CRPPA: variants seen among roughly 807,000 people sequenced by gnomAD.
CRPPA encodes D-ribitol-5-phosphate cytidylyltransferase.
In CRPPA, 43 loss-of-function variants were observed where a neutral mutation model predicts 52.0. The observed-to-expected ratio is 0.83, with a 90% confidence interval of 0.65 to 1.07. The LOEUF (loss-of-function observed/expected upper bound fraction) is 1.07, where lower values mean the gene tolerates loss of function less well. Ranked by LOEUF, CRPPA falls within the 50% of genes least tolerant of loss-of-function variation. The probability of loss-of-function intolerance (pLI) is 0.00; values close to 1 mark genes in which losing one functional copy is unlikely to be tolerated. For missense variants in CRPPA, 629 were observed against 551.7 expected (o/e 1.14, Z -1.40); for synonymous variants, 250 against 203.5 (o/e 1.23, Z -1.94).
intron 3 of CRPPA, among the ~76,000 whole-genome samples, chr7:16,356,641 C>T (rs1786303332): frequency 6.6e-6 from 1 of 152,168 alleles, no homozygotes; most frequent in South Asian, 2.1e-4. Context: ...ATTTCATATT[C>T]AGGATATTTT....
rs1781738499 is a variant in CRPPA, at chr7:16,088,338, T to C, written c.*3357A>G. The C allele has an allele frequency of 6.6e-6, 1 of 151,722 alleles. No homozygotes were observed. The highest frequency in any genetic ancestry group is 1.5e-5 in the Non-Finnish European group (1 of 67,966). 9.4% of individuals were successfully genotyped at this position (151,722 alleles called of 1,614,324 possible). A position where few individuals can be genotyped will look rare whatever the true frequency, so the allele number is the denominator to read the frequency against. ...GAGATTTTGGAAAATAAAGTGAGAATAGACAGCTTTTACTAAAGTAAATTT... is the reference window on the plus strand; with the variant it reads ...GAGATTTTGGAAAATAAAGTGAGAACAGACAGCTTTTACTAAAGTAAATTT... On this transcript the variant is annotated 3_prime_UTR_variant, in exon 10 of 10. Transcript: ENST00000407010.
intron 9 of CRPPA, among the ~76,000 whole-genome samples, chr7:16,178,438 A>G (rs1344372023): frequency 6.6e-6 from 1 of 152,152 alleles, no homozygotes; most frequent in Non-Finnish European, 1.5e-5. Context: ...ATTAAGATTA[A>G]AGAAACATTT....
chr7:16,397,141 G>A (rs534243009), intron 2 of CRPPA, among the ~76,000 whole-genome samples: 13 of 152,386 alleles, frequency 8.5e-5, no homozygotes, highest in Admixed American at 3.3e-4. Context: ...TTAGAGATGC[G>A]TGTCTGACAC....
intron 2 of CRPPA, among the ~76,000 whole-genome samples, chr7:16,380,114 T>C (rs535177452): frequency 6.6e-6 from 1 of 150,926 alleles, no homozygotes; most frequent in East Asian, 1.9e-4. Flanking sequence ...CAGTATGATA[T>C]TGGCTGTGGG....
chr7:16,193,966 A>C (rs756874769), intron 9 of CRPPA, among the ~76,000 whole-genome samples: 1 of 152,146 alleles, frequency 6.6e-6, no homozygotes, highest in Non-Finnish European at 1.5e-5. Context: ...CTCATTTTTT[A>C]TACATTTTGG....
chr7:16,375,020 G>A (rs1230573997), intron 3 of CRPPA, among the ~76,000 whole-genome samples: 1 of 152,098 alleles, frequency 6.6e-6, no homozygotes, highest in African/African-American at 2.4e-5. Context: ...TCACTTTTTA[G>A]AAATCCTAGG....
At chr7:16,399,700 G>A (rs556262779) in intron 2 of CRPPA, among the ~76,000 whole-genome samples, 18 of 152,004 alleles carry the variant, frequency 1.2e-4, no homozygotes, top group Non-Finnish European at 2.2e-4. Flanking sequence ...TGAGCAACAC[G>A]TGACCAACAT....
intron 8 of CRPPA, among the ~76,000 whole-genome samples, chr7:16,247,397 G>C (rs927118665): frequency 1.3e-5 from 2 of 151,998 alleles, no homozygotes; most frequent in Non-Finnish European, 2.9e-5. Flanking sequence ...CAGGGAATAG[G>C]GAATCTCAAA....
In CRPPA at chr7:16,406,248, C is replaced by T. The variant is rs748777770; in HGVS notation, c.347G>A (p.Arg116His). Residue 116 changes from arginine (R) to histidine (H), a missense_variant, in exon 2 of 10, where the codon CGC becomes CAC. Arg to His is a conservative substitution (Grantham distance 29). Transcript: ENST00000407010. ...KSIIQKYQHKRISLVEAGVTR... is the reference protein window; with the variant it reads ...KSIIQKYQHKHISLVEAGVTR... ...CACTCCAGCTTCGACCAGTGAGATG[C>T]GTTTATGCTGATACTTCTGAATAAT... 3.2e-5 allele frequency: 52 copies of T among 1,613,766 alleles called. No homozygotes were observed. In the East Asian group the frequency reaches 3.8e-4, roughly 12 times the overall value.
At chr7:16,198,802 C>G (rs1239961732) in intron 9 of CRPPA, among the ~76,000 whole-genome samples, 3 of 151,484 alleles carry the variant, frequency 2.0e-5, no homozygotes, top group African/African-American at 4.9e-5. Context: ...ATCCTTCCTG[C>G]CTCTGCCTCT....
Position 16,089,574 on chromosome 7 carries a change from T to A in CRPPA, c.*2121A>T. On this transcript the variant is annotated 3_prime_UTR_variant, in exon 10 of 10. Transcript: ENST00000407010. ...ATACATGTAAGTATATACATATATA[T>A]GGGTATACATGCATGTATATACATA... is the stretch of plus-strand genomic sequence containing the variant. 4.2e-6 allele frequency: 1 copy of A among 236,178 alleles called. No homozygotes were observed. The highest frequency in any genetic ancestry group is 1.3e-3 in the Middle Eastern group (1 of 764). 14.6% of individuals were successfully genotyped at this position (236,178 alleles called of 1,614,324 possible). A position where few individuals can be genotyped will look rare whatever the true frequency, so the allele number is the denominator to read the frequency against.
intron 1 of CRPPA, among the ~76,000 whole-genome samples, chr7:16,418,622 C>T (rs145247141): frequency 2.0e-5 from 3 of 152,068 alleles, no homozygotes; most frequent in South Asian, 2.1e-4. Flanking sequence ...GGAGGAACTA[C>T]GAAACACTAA....
At position 16,186,873 on chromosome 7, in the gene CRPPA, A is replaced by G. The variant is rs149756686; in HGVS notation, c.1251+29193T>C. ...AGGAGAGGATTTTGTCCCACCATCA[A>G]TGGATTCAATGCATTCAACGTTTGT... On this transcript the variant is annotated intron_variant, in intron 9 of 9. Transcript: ENST00000407010. Among the ~76,000 whole-genome samples the G allele has an allele frequency of 5.8e-4, 88 of 152,310 alleles. No individual in the cohort carries two copies. The East Asian group carries it at 0.013, about 23-fold the overall frequency.
At chr7:16,170,103 AG>A (rs2128384932) in intron 9 of CRPPA, among the ~76,000 whole-genome samples, 1 of 152,344 alleles carries the variant, frequency 6.6e-6, no homozygotes, top group South Asian at 2.1e-4. Context: ...AATAAAATAT[AG>A]AAGTATAAAT....
chr7:16,228,480 T>C (rs916730965), intron 8 of CRPPA, among the ~76,000 whole-genome samples: 2 of 151,888 alleles, frequency 1.3e-5, no homozygotes, highest in African/African-American at 2.4e-5. Context: ...CTGTATCCCA[T>C]AGATTTTGGT....
chr7:16,397,952 T>G (rs538759430), intron 2 of CRPPA, among the ~76,000 whole-genome samples: 5 of 152,314 alleles, frequency 3.3e-5, no homozygotes, highest in Non-Finnish European at 5.9e-5. Context: ...GATTGACACG[T>G]TTGACATGTG....
intron 9 of CRPPA, among the ~76,000 whole-genome samples, chr7:16,130,422 C>T (rs1314371180): frequency 1.3e-5 from 2 of 151,928 alleles, no homozygotes; most frequent in East Asian, 1.9e-4. Flanking sequence ...GAGAATAACC[C>T]AGCAGACTGT....
chr7:16,106,496 G>A (rs530096713), intron 9 of CRPPA, among the ~76,000 whole-genome samples: 5 of 152,278 alleles, frequency 3.3e-5, no homozygotes, highest in Non-Finnish European at 7.4e-5. Context: ...AGACAGCAGA[G>A]CCCAACCAGT....
chr7:16,221,339 A>C (rs2128400242), intron 8 of CRPPA, among the ~76,000 whole-genome samples: 1 of 152,264 alleles, frequency 6.6e-6, no homozygotes, highest in Middle Eastern at 3.4e-3. Flanking sequence ...AACCATAAAA[A>C]CCCTAGAAGA....
Sources: allele counts gnomAD v4.1 joint callset (sites outside exome capture counted in the v4.1 genomes callset), GRCh38; gene constraint gnomAD v4.1.1; transcripts MANE v1.5; gene names NCBI Gene and HGNC (gene_info 2026-07-23, HGNC 2026-07-21).